The following RABEP1 variants were observed in gnomAD, a reference collection of about 807,000 sequenced individuals.
The protein encoded by RABEP1 is rab GTPase-binding effector protein 1.
A neutral mutation model predicts 123.4 loss-of-function variants in RABEP1; 51 were observed. The ratio of observed to expected loss-of-function variants is 0.41; its 90% CI spans 0.33 to 0.52. The LOEUF is 0.52. Among genes scored for constraint, RABEP1 ranks in the 20% least tolerant of loss-of-function variants. RABEP1 has a pLI of 0.16. For synonymous variants in RABEP1, 347 were observed against 355.2 expected, an observed-to-expected ratio of 0.98 and a Z score of 0.26; for missense variants, 888 against 996.3, an observed-to-expected ratio of 0.89 and a Z score of 1.46.
intron 2 of RABEP1, among the ~76,000 whole-genome samples, chr17:5,312,478 A>G (rs1269667440): frequency 1.3e-5 from 2 of 152,212 alleles, no homozygotes; most frequent in Non-Finnish European, 2.9e-5. Context: ...ATACAACAGG[A>G]CAATGAACCA....
intron 2 of RABEP1, among the ~76,000 whole-genome samples, chr17:5,329,250 G>T (rs1446914374): frequency 4.6e-5 from 7 of 152,120 alleles, no homozygotes; most frequent in Admixed American, 4.6e-4. Flanking sequence ...AGCATGGCAG[G>T]CTGGGTGTGG....
At chr17:5,335,857 A>T (rs990647762) in intron 4 of RABEP1, among the ~76,000 whole-genome samples, 17 of 151,806 alleles carry the variant, frequency 1.1e-4, no homozygotes, top group Admixed American at 2.0e-4. Flanking sequence ...TGTCTAGGAG[A>T]TAGGTGCTTG....
chr17:5,376,289 C>G (rs1271820130), intron 13 of RABEP1, among the ~76,000 whole-genome samples: 1 of 152,068 alleles, frequency 6.6e-6, no homozygotes, highest in Non-Finnish European at 1.5e-5. Context: ...CCATTGCACT[C>G]CATACTCCAG....
chr17:5,306,760 C>CT (rs35030636), intron 1 of RABEP1, among the ~76,000 whole-genome samples: 1 of 151,876 alleles, frequency 6.6e-6, no homozygotes, highest in Non-Finnish European at 1.5e-5. Flanking sequence ...TTGATTGCTA[C>CT]TTTTTTTTGT....
At chr17:5,356,263 T>TGA (rs1909007453) in intron 8 of RABEP1, among the ~76,000 whole-genome samples, 1 of 152,034 alleles carries the variant, frequency 6.6e-6, no homozygotes. Context: ...GACTGAGGCA[T>TGA]GAGAATTGTT....
intron 7 of RABEP1, among the ~76,000 whole-genome samples, chr17:5,351,510 T>A (rs1299955013): frequency 6.6e-6 from 1 of 152,114 alleles, no homozygotes; most frequent in Non-Finnish European, 1.5e-5. Context: ...AAGTATGTAT[T>A]CTAGGCAGGG....
chr17:5,316,226 G>A (rs185374089), intron 2 of RABEP1, among the ~76,000 whole-genome samples: 447 of 152,116 alleles, frequency 2.9e-3, no homozygotes, highest in Non-Finnish European at 3.2e-3. Flanking sequence ...CGAGGCAGGC[G>A]GATTGCCTGA....
chr17:5,330,543 G>GA (rs1906431282), intron 2 of RABEP1, among the ~76,000 whole-genome samples: 1 of 152,200 alleles, frequency 6.6e-6, no homozygotes, highest in South Asian at 2.1e-4. Context: ...TGAGGAAACT[G>GA]AGGCTTGAGA....
chr17:5,373,899 G>T (rs576766562), intron 13 of RABEP1, among the ~76,000 whole-genome samples: 1 of 152,136 alleles, frequency 6.6e-6, no homozygotes, highest in African/African-American at 2.4e-5. Flanking sequence ...GTTCTTTCAC[G>T]TAGCCTTAAT....
intron 5 of RABEP1, among the ~76,000 whole-genome samples, chr17:5,339,810 G>C (rs973478297): frequency 1.6e-4 from 24 of 151,428 alleles, no homozygotes; most frequent in Admixed American, 3.3e-4. Context: ...CTCAAAAAAA[G>C]AAAGAAAAAA....
At chr17:5,326,759 ATT>A (rs1293248531) in intron 2 of RABEP1, among the ~76,000 whole-genome samples, 1 of 152,028 alleles carries the variant, frequency 6.6e-6, no homozygotes, top group South Asian at 2.1e-4. Context: ...AAACCTCTGT[ATT>A]TTCTGCTCAA....
chr17:5,294,891 C>T (rs911925019), intron 1 of RABEP1, among the ~76,000 whole-genome samples: 7 of 151,224 alleles, frequency 4.6e-5, no homozygotes, highest in Non-Finnish European at 1.0e-4. Flanking sequence ...TGTGATCTGC[C>T]GGCCTCGGCC....
At chr17:5,378,383 G>T (rs988733236) in intron 15 of RABEP1, 151 bp downstream of exon 15, 10 of 735,040 alleles carry the variant, frequency 1.4e-5, no homozygotes, top group African/African-American at 1.8e-5. Flanking sequence ...CGGGGTAAGG[G>T]TGTGCTGGTG....
chr17:5,340,759 C>CAACG (rs1907527054), intron 5 of RABEP1, among the ~76,000 whole-genome samples: 1 of 151,394 alleles, frequency 6.6e-6, no homozygotes, highest in African/African-American at 2.4e-5. Context: ...CCAGCCTGGC[C>CAACG]AACGTAGTGA....
intron 7 of RABEP1, among the ~76,000 whole-genome samples, chr17:5,351,233 T>G (rs1170030995): frequency 6.6e-6 from 1 of 152,116 alleles, no homozygotes; most frequent in Non-Finnish European, 1.5e-5. Context: ...CATATTCAGG[T>G]TCCTGTTTTC....
chr17:5,380,938 T>G (rs77931350), intron 16 of RABEP1, among the ~76,000 whole-genome samples: 457 of 152,290 alleles, frequency 3.0e-3, no homozygotes, highest in Non-Finnish European at 4.5e-3. Flanking sequence ...AACTGCTTGT[T>G]TTTGGAAAGG....
intron 2 of RABEP1, among the ~76,000 whole-genome samples, chr17:5,322,866 G>A (rs1450438374): frequency 2.6e-5 from 4 of 152,200 alleles, no homozygotes; most frequent in Non-Finnish European, 4.4e-5. Flanking sequence ...CTTGAGGCCA[G>A]GAGTTTGAGA....
chr17:5,325,824 T>C lies in RABEP1; in HGVS notation c.164-6125T>C, dbSNP rs1218023297. Among the ~76,000 whole-genome samples the C allele has an allele frequency of 1.5e-4, 23 of 152,186 alleles. 1 individual carries two copies. Among genetic ancestry groups the C allele is most frequent in the Admixed American group, 1.5e-3 (23 of 15,282 alleles). On this transcript the variant is annotated intron_variant, in intron 2 of 17. Transcript: ENST00000537505. ...TATTATCACATGTACTTTAACTATGTACATGTGCATCAATAAAAATAAAAT... is the reference window on the plus strand; with the variant it reads ...TATTATCACATGTACTTTAACTATGCACATGTGCATCAATAAAAATAAAAT...
Position 5,338,079 on chromosome 17 carries a change from G to A in RABEP1, c.589G>A (p.Ala197Thr), listed in dbSNP as rs1487070658. ...GATGCCAATGGAAAAGGAAATTGCA[G>A]CTTTGAAGGATAAACTGACAGAGGC... ...VVMPMEKEIA[A>T]LKDKLTEAED... Residue 197 changes from alanine (A) to threonine (T), a missense_variant, in exon 5 of 18, where the codon GCT becomes ACT. By Grantham distance (58) the Ala-to-Thr change is moderately conservative. Coordinates refer to ENST00000537505, the MANE Select transcript of RABEP1 (RefSeq NM_004703.6). 1.2e-6 allele frequency: 2 copies of A among 1,613,540 alleles called. No homozygotes were observed. The highest frequency in any genetic ancestry group is 1.7e-6 in the Non-Finnish European group (2 of 1,179,552).
Sources: allele counts gnomAD v4.1 joint callset (sites outside exome capture counted in the v4.1 genomes callset), GRCh38; gene constraint gnomAD v4.1.1; transcripts MANE v1.5; gene names NCBI Gene and HGNC (gene_info 2026-07-23, HGNC 2026-07-21).